L3MBTL4: variants seen among roughly 807,000 people sequenced by gnomAD.
L3MBTL4 encodes the protein L3MBTL histone methyl-lysine binding protein 4.
In L3MBTL4, 70 loss-of-function variants were observed where a neutral mutation model predicts 84.5. The ratio of observed to expected loss-of-function variants is 0.83; its 90% CI spans 0.68 to 1.01. The LOEUF is 1.01. L3MBTL4 is among the 50% of genes least tolerant of loss of function. L3MBTL4 has a pLI of 0.00. For missense variants in L3MBTL4, 715 were observed against 754.8 expected (o/e 0.95, Z 0.62); for synonymous variants, 274 against 259.8 (o/e 1.05, Z -0.52).
At chr18:5,981,534 G>A (rs768423708) in intron 16 of L3MBTL4, among the ~76,000 whole-genome samples, 2 of 152,142 alleles carry the variant, frequency 1.3e-5, no homozygotes, top group Admixed American at 6.5e-5. Flanking sequence ...AAGTTCCAAG[G>A]GCTAGGTGCA....
intron 14 of L3MBTL4, among the ~76,000 whole-genome samples, chr18:6,116,314 T>A (rs774684440): frequency 2.6e-4 from 39 of 151,216 alleles, no homozygotes; most frequent in South Asian, 4.2e-4. Context: ...AGGCCATCCC[T>A]CTGTCCCTCT....
At chr18:6,199,075 G>T (rs1837621757) in intron 12 of L3MBTL4, among the ~76,000 whole-genome samples, 2 of 152,112 alleles carry the variant, frequency 1.3e-5, no homozygotes, top group African/African-American at 2.4e-5. Flanking sequence ...AGCTTATGAT[G>T]TTCACTAGTG....
chr18:6,001,441 G>A (rs572527269), intron 16 of L3MBTL4, among the ~76,000 whole-genome samples: 1 of 152,274 alleles, frequency 6.6e-6, no homozygotes, highest in African/African-American at 2.4e-5. Flanking sequence ...GTCTGGCATG[G>A]AGCTACCATA....
At chr18:6,194,316 C>G (rs73383955) in intron 12 of L3MBTL4, among the ~76,000 whole-genome samples, 10,923 of 152,220 alleles carry the variant, frequency 0.072, 1,030 homozygotes, top group African/African-American at 0.22. Context: ...TCCCACAGGG[C>G]GTGGCGATGG....
intron 5 of L3MBTL4, chr18:6,260,343 A>C (rs1169203182): frequency 6.6e-6 from 1 of 152,154 alleles, no homozygotes; most frequent in Non-Finnish European, 1.5e-5. Flanking sequence ...TTTGATAGGA[A>C]TAATGTTTAA....
At chr18:6,187,426 T>A (rs1379569703) in intron 12 of L3MBTL4, among the ~76,000 whole-genome samples, 2 of 152,226 alleles carry the variant, frequency 1.3e-5, no homozygotes, top group East Asian at 3.8e-4. Flanking sequence ...ATAAAATCTA[T>A]GTTTCTATTT....
chr18:6,285,066 CGGCTTCTGCGGG>C (rs2049507239), intron 4 of L3MBTL4, among the ~76,000 whole-genome samples: 1 of 152,192 alleles, frequency 6.6e-6, no homozygotes. Context: ...GTCGAGAGGA[CGGCTTCTGCGGG>C]GCAGCCTGGT....
At chr18:6,343,248 C>T (rs547451427) in intron 1 of L3MBTL4, among the ~76,000 whole-genome samples, 2 of 152,268 alleles carry the variant, frequency 1.3e-5, no homozygotes, top group Admixed American at 6.5e-5. Flanking sequence ...ATGGACCTAA[C>T]AGATATATAG....
At chr18:6,159,669 C>T (rs1288540602) in intron 13 of L3MBTL4, among the ~76,000 whole-genome samples, 2 of 152,176 alleles carry the variant, frequency 1.3e-5, no homozygotes, top group African/African-American at 2.4e-5. Context: ...ACATGGCTCT[C>T]CCTGAAGGGC....
chr18:6,267,767 A>C (rs1307896261), intron 4 of L3MBTL4, among the ~76,000 whole-genome samples: 1 of 152,230 alleles, frequency 6.6e-6, no homozygotes, highest in Non-Finnish European at 1.5e-5. Context: ...TTGATCAAAA[A>C]TAAGAATACA....
chr18:6,026,849 C>G (rs1266266936), intron 16 of L3MBTL4, among the ~76,000 whole-genome samples: 1 of 152,086 alleles, frequency 6.6e-6, no homozygotes, highest in East Asian at 1.9e-4. Flanking sequence ...TACCAAAGGT[C>G]ACATAACGAA....
chr18:6,106,906 T>C (rs980579636), intron 14 of L3MBTL4, among the ~76,000 whole-genome samples: 6 of 152,162 alleles, frequency 3.9e-5, no homozygotes, highest in Non-Finnish European at 8.8e-5. Context: ...GCCCCAAATA[T>C]GGCAAGGGTC....
At chr18:6,274,681 A>T (rs2049007924) in intron 4 of L3MBTL4, among the ~76,000 whole-genome samples, 1 of 152,170 alleles carries the variant, frequency 6.6e-6, no homozygotes, top group African/African-American at 2.4e-5. Context: ...TGATTTTTTT[A>T]AAAAAGATAC....
At chr18:6,197,042 G>T (rs1295126932) in intron 12 of L3MBTL4, among the ~76,000 whole-genome samples, 1 of 152,162 alleles carries the variant, frequency 6.6e-6, no homozygotes, top group Non-Finnish European at 1.5e-5. Context: ...TAGAAAAGTG[G>T]GTCTAAGCCA....
chr18:6,077,721 A>C (rs2057907007), intron 16 of L3MBTL4, among the ~76,000 whole-genome samples: 1 of 116,102 alleles, frequency 8.6e-6, no homozygotes, highest in Admixed American at 9.3e-5. Flanking sequence ...CATTTTCCTT[A>C]AAAAAAAAAA....
intron 14 of L3MBTL4, among the ~76,000 whole-genome samples, chr18:6,114,818 G>A (rs2144170420): frequency 6.6e-6 from 1 of 152,292 alleles, no homozygotes; most frequent in South Asian, 2.1e-4. Flanking sequence ...ACCCAGTGAT[G>A]GTCACTACAT....
At chr18:6,326,462 T>C (rs1035061410) in intron 1 of L3MBTL4, 1 of 152,256 alleles carries the variant, frequency 6.6e-6, no homozygotes, top group African/African-American at 2.4e-5. Context: ...AGAGTCTCTG[T>C]CCCTCAAGCC....
At chr18:6,251,033 A>G (rs149723483) in intron 5 of L3MBTL4, among the ~76,000 whole-genome samples, 1,998 of 152,320 alleles carry the variant, frequency 0.013, 53 homozygotes, top group African/African-American at 0.046. Context: ...AAATTTGATG[A>G]CTTTCTTCAC....
At position 5,955,155 on chromosome 18, in the gene L3MBTL4, G is replaced by A. The variant is rs954707635; in HGVS notation, c.*1065C>T. 6 of 152,170 alleles carry A rather than the reference G, an allele frequency of 3.9e-5. No individual in the cohort carries two copies. The highest frequency in any genetic ancestry group is 3.3e-4 in the Admixed American group (5 of 15,276). 9.4% of individuals were successfully genotyped at this position (152,170 alleles called of 1,614,324 possible). A position where few individuals can be genotyped will look rare whatever the true frequency, so the allele number is the denominator to read the frequency against. On this transcript the variant is annotated 3_prime_UTR_variant, in exon 19 of 19. Transcript: ENST00000317931. ...AGGTACTTGTCTTTCAACACTGTGG[G>A]ACTGATTCCACACAACTTAAGCCTC...
Sources: allele counts gnomAD v4.1 joint callset (sites outside exome capture counted in the v4.1 genomes callset), GRCh38; gene constraint gnomAD v4.1.1; transcripts MANE v1.5; gene names NCBI Gene and HGNC (gene_info 2026-07-23, HGNC 2026-07-21).